CLCN7: variants seen among roughly 807,000 people sequenced by gnomAD.
CLCN7 encodes the protein Cl-/H+ antiporter 7.
A neutral mutation model predicts 102.1 loss-of-function variants in CLCN7; 60 were observed. The observed-to-expected ratio is 0.59, with a 90% CI of 0.48 to 0.73. The LOEUF (loss-of-function observed/expected upper bound fraction) is 0.73. CLCN7 is among the 30% of genes least tolerant of loss of function. The pLI, the probability that CLCN7 is intolerant of heterozygous loss-of-function variation, is 0.00. For missense variants in CLCN7, 962 were observed against 1,125.7 expected, an observed-to-expected ratio of 0.85 and a Z score of 2.08; for synonymous variants, 560 against 490.5, an observed-to-expected ratio of 1.14 and a Z score of -1.87.
intron 1 of CLCN7, among the ~76,000 whole-genome samples, chr16:1,470,999 C>A (rs148849441): frequency 6.6e-6 from 1 of 152,224 alleles, no homozygotes; most frequent in African/African-American, 2.4e-5. Flanking sequence ...TGCTTCCTGC[C>A]GCCCACACAC....
chr16:1,450,251 A>G (rs908039945), intron 17 of CLCN7: 2 of 574,484 alleles, frequency 3.5e-6, no homozygotes, highest in Admixed American at 6.0e-5. Context: ...TAAGGACACG[A>G]GCCTCCGCCC....
chr16:1,458,672 C>A (rs1567270880), intron 7 of CLCN7, among the ~76,000 whole-genome samples: 1 of 152,206 alleles, frequency 6.6e-6, no homozygotes, highest in Non-Finnish European at 1.5e-5. Context: ...GCAACCACAG[C>A]GGAACTGGGT....
In CLCN7 at chr16:1,457,586, T is replaced by C; in HGVS notation, c.738+108A>G. The C allele has an allele frequency of 3.5e-6, 4 of 1,131,732 alleles. No homozygotes were observed. The highest frequency in any genetic ancestry group is 2.5e-5 in the East Asian group (1 of 40,628). 70.1% of individuals were successfully genotyped at this position (1,131,732 alleles called of 1,614,324 possible). A position where few individuals can be genotyped will look rare whatever the true frequency, so the allele number is the denominator to read the frequency against. The stretch of plus-strand genomic sequence containing the variant: ...TCAGAGACACGCGTGACGCGGCCCT[T>C]CCTGGAGACCAGAAGGACCGGTGCT... On this transcript the variant is annotated intron_variant, in intron 8 of 24. Transcript: ENST00000382745. The surrounding 1 kb of genome is among the most constrained non-coding windows in gnomAD (Gnocchi z 5.4).
chr16:1,474,325 C>A, intron 1 of CLCN7: 1 of 394,930 alleles, frequency 2.5e-6, no homozygotes, highest in Non-Finnish European at 5.1e-6. Context: ...CTGATCCCCA[C>A]ACAGAAAGAT....
chr16:1,451,984 C>T (rs1480008370), intron 15 of CLCN7: 4 of 462,416 alleles, frequency 8.7e-6, no homozygotes, highest in East Asian at 4.3e-5. Flanking sequence ...GGTGGGTTAG[C>T]AGGACCATGG....
intron 1 of CLCN7, among the ~76,000 whole-genome samples, chr16:1,470,003 C>T (rs887177007): frequency 2.0e-5 from 3 of 152,220 alleles, no homozygotes; most frequent in East Asian, 1.9e-4. Flanking sequence ...GCCCTGGAGC[C>T]GTCAGGTCCC....
intron 7 of CLCN7, among the ~76,000 whole-genome samples, chr16:1,458,252 T>C (rs1345681742): frequency 1.3e-5 from 2 of 152,186 alleles, no homozygotes; most frequent in Non-Finnish European, 2.9e-5. Context: ...AAGGTGTTTA[T>C]CAGCCTCCCT....
At chr16:1,450,767 A>C in intron 16 of CLCN7, 101 bp from the exon 17 acceptor site, 1 of 1,055,394 alleles carries the variant, frequency 9.5e-7, no homozygotes, top group Non-Finnish European at 1.3e-6. Context: ...ACCTTCCAGG[A>C]GCCCAGCAAC....
rs767391579 is a variant in CLCN7, at chr16:1,450,596, C to G, written c.1518G>C (p.Gly506=). The G allele has an allele frequency of 6.2e-7, 1 of 1,612,570 alleles. No individual in the cohort carries two copies. The highest frequency in any genetic ancestry group is 1.1e-5 in the South Asian group (1 of 90,960). Residue 506 remains glycine (G), a synonymous_variant, in exon 17 of 25, where the codon GGG becomes GGC. Coordinates refer to ENST00000382745, the MANE Select transcript of CLCN7 (RefSeq NM_001287.6). ...TGAAGACCCCGGCAGACACCGTGAG[C>G]CCGTAGGTCCAGCAGGCCAGGAAGA... ...VYFFLACWTY[G]LTVSAGVFIP... is the part of the protein sequence containing the mutation.
In CLCN7 at chr16:1,460,903, T is replaced by G. The variant is rs1448304600; in HGVS notation, c.397A>C (p.Ile133Leu). The change falls in exon 5 of 25, where the codon ATT becomes CTT. Residue 133 changes from isoleucine (I) to leucine (L), a missense_variant. This residue lies in a region of CLCN7 where 799 missense variants were observed against 988.0 expected (regional missense o/e 0.81). Transcript: ENST00000382745. Reference protein sequence around the residue: ...EIKRWVICALIGILTGLVACF... With the variant: ...EIKRWVICALLGILTGLVACF... ...GCCACGAGGCCCGTGAGGATCCCAA[T>G]GAGGGCGCAGATGACCCAGCGCTTG... is the stretch of plus-strand genomic sequence containing the variant. 6.2e-7 allele frequency: 1 copy of G among 1,613,924 alleles called. No homozygotes were observed. Among genetic ancestry groups the G allele is most frequent in the Non-Finnish European group, 8.5e-7 (1 of 1,179,940 alleles).
chr16:1,470,132 T>C (rs1033111051), intron 1 of CLCN7, among the ~76,000 whole-genome samples: 1 of 152,246 alleles, frequency 6.6e-6, no homozygotes, highest in African/African-American at 2.4e-5. Flanking sequence ...TCAACCCTAC[T>C]GACTGCACTC....
At chr16:1,474,019 G>A in intron 1 of CLCN7, 1 of 403,322 alleles carries the variant, frequency 2.5e-6, no homozygotes, top group Non-Finnish European at 4.9e-6. Flanking sequence ...GGGAGGTGGG[G>A]GTTGCAGTGA....
At chr16:1,447,839 C>T (rs987240340) in intron 21 of CLCN7, 125 bp from the exon 22 acceptor site, 48 of 1,036,714 alleles carry the variant, frequency 4.6e-5, no homozygotes, top group Admixed American at 1.0e-4. Context: ...GGCCCCGTGT[C>T]GGTGGCTACC....
intron 1 of CLCN7, among the ~76,000 whole-genome samples, chr16:1,467,420 T>C (rs936397230): frequency 1.3e-5 from 2 of 152,006 alleles, no homozygotes; most frequent in African/African-American, 4.8e-5. Context: ...GGGCTGACGG[T>C]GGGAGGAGGA....
intron 2 of CLCN7, among the ~76,000 whole-genome samples, chr16:1,462,649 A>C (rs1005534616): frequency 1.5e-5 from 2 of 136,288 alleles, no homozygotes; most frequent in Non-Finnish European, 3.1e-5. Context: ...TGAGACCCCA[A>C]CTCTTAAAAA....
intron 2 of CLCN7, among the ~76,000 whole-genome samples, chr16:1,464,981 C>A (rs2038985201): frequency 6.6e-6 from 1 of 152,158 alleles, no homozygotes. Flanking sequence ...CCCAAGATCC[C>A]TGTCCTTGCC....
At position 1,457,733 on chromosome 16, in the gene CLCN7, A is replaced by G. The variant is rs913337154; in HGVS notation, c.699T>C (p.Gly233=). Residue 233 remains glycine, a synonymous_variant, in exon 8 of 25, where the codon GGT becomes GGC. Transcript: ENST00000382745. This position sits in a 1 kb window ranked among gnomAD's most constrained non-coding sequence, Gnocchi z 5.4. The part of the protein sequence containing the change: ...RLKTLVIKVS[G]VILSVVGGLA... ...GGCCCCCGACCACGGACAGGATCAC[A>G]CCGGACACTTTGATCACCAACGTCT... 1 of 1,613,896 alleles carries G rather than the reference A, an allele frequency of 6.2e-7. No homozygotes were observed. Among genetic ancestry groups the G allele is most frequent in the African/African-American group, 1.3e-5 (1 of 75,072 alleles).
intron 11 of CLCN7, 145 bp from the exon 12 acceptor site, chr16:1,455,395 A>T (rs1004300235): frequency 1.1e-5 from 8 of 746,962 alleles, no homozygotes; most frequent in African/African-American, 1.0e-4. Context: ...AAGGGGCTGG[A>T]GCCAGGGGTG....
chr16:1,455,931 G>A lies in CLCN7; in HGVS notation c.917-136C>T, dbSNP rs34012108. 94,074 of 1,059,968 alleles carry A rather than the reference G, an allele frequency of 0.089. 4,882 individuals are homozygous for A. The highest frequency in any genetic ancestry group is 0.11 in the Non-Finnish European group (77,612 of 715,450). The allele number at this position is 1,059,968 out of a possible 1,614,324, so 65.7% of individuals were successfully genotyped here. ...ATGGGGTGGGCCCCAGCCACACAGA[G>A]AGGGACCCTGAGGGAGGTCTGAGGG... On this transcript the variant is annotated intron_variant, in intron 10 of 24. Coordinates refer to ENST00000382745, the MANE Select transcript of CLCN7 (RefSeq NM_001287.6).
Sources: allele counts gnomAD v4.1 joint callset (sites outside exome capture counted in the v4.1 genomes callset), GRCh38; gene constraint gnomAD v4.1.1; regional missense constraint gnomAD v4.1.1; non-coding constraint Gnocchi (gnomAD v3.1); transcripts MANE v1.5; gene names NCBI Gene and HGNC (gene_info 2026-07-23, HGNC 2026-07-21).